PDGFRA: variants seen among roughly 807,000 people sequenced by gnomAD.
The protein encoded by PDGFRA is platelet-derived growth factor receptor alpha.
Under a neutral mutation model 121.5 loss-of-function variants are expected in PDGFRA, and 25 were observed. The observed-to-expected ratio is 0.21, with a 90% CI of 0.15 to 0.29. The LOEUF (loss-of-function observed/expected upper bound fraction) is 0.29, where lower values mean the gene tolerates loss of function less well. Ranked by LOEUF, PDGFRA falls within the 10% of genes least tolerant of loss-of-function variation. PDGFRA has a pLI of 1.00. For synonymous variants in PDGFRA, 463 were observed against 494.8 expected (o/e 0.94, Z 0.85); for missense variants, 1,008 against 1,345.1 (o/e 0.75, Z 3.92).
intron 1 of PDGFRA, among the ~76,000 whole-genome samples, chr4:54,235,430 T>C (rs1473840985): frequency 6.6e-6 from 1 of 152,284 alleles, no homozygotes; most frequent in Admixed American, 6.5e-5. Flanking sequence ...ACACTACCTT[T>C]GCACATTGCC....
intron 1 of PDGFRA, among the ~76,000 whole-genome samples, chr4:54,236,594 G>A (rs1272224843): frequency 1.4e-4 from 22 of 152,168 alleles, no homozygotes; most frequent in Admixed American, 1.4e-3. Context: ...ACGAGGTCAG[G>A]AGTTCGAGAT....
Position 54,270,276 on chromosome 4 carries a change from G to C in PDGFRA, c.1122-357G>C, listed in dbSNP as rs899447307. 9.9e-5 allele frequency among the ~76,000 whole-genome samples: 15 copies of C among 152,204 alleles called. 1 individual carries two copies. In the East Asian group the frequency reaches 2.9e-3, roughly 29 times the overall value. On this transcript the variant is annotated intron_variant, in intron 7 of 22. Transcript: ENST00000257290. ...AATGATGGATATTTAGGGGAAGCAA[G>C]TATTTTTTAAAAAAGGTAAAAATCA... is the stretch of plus-strand genomic sequence containing the variant.
intron 1 of PDGFRA, among the ~76,000 whole-genome samples, chr4:54,240,759 T>C (rs1721255629): frequency 6.6e-6 from 1 of 152,226 alleles, no homozygotes; most frequent in Non-Finnish European, 1.5e-5. Flanking sequence ...TTTAGGCAAT[T>C]GGAGCAAATT....
intron 5 of PDGFRA, among the ~76,000 whole-genome samples, chr4:54,266,382 T>C (rs1251256223): frequency 6.6e-6 from 1 of 151,842 alleles, no homozygotes; most frequent in African/African-American, 2.4e-5. Context: ...ATTTTTCATT[T>C]GTATTTCTTT....
rs753347712 is a variant in PDGFRA, at chr4:54,274,876, A to G, written c.1689A>G (p.Glu563=). The change falls in exon 12 of 23, where the codon GAA becomes GAG. Residue 563 remains glutamate, a synonymous_variant. Transcript: ENST00000257290. ...ATGAAATTCGCTGGAGGGTCATTGA[A>G]TCAATCAGCCCAGATGGACATGAAT... ...PRYEIRWRVI[E]SISPDGHEYI... 6.2e-7 allele frequency: 1 copy of G among 1,614,112 alleles called. No homozygotes were observed. The highest frequency in any genetic ancestry group is 1.1e-5 in the South Asian group (1 of 91,084).
chr4:54,249,293 C>T (rs1394824590), intron 1 of PDGFRA, among the ~76,000 whole-genome samples: 3 of 152,190 alleles, frequency 2.0e-5, no homozygotes, highest in South Asian at 2.1e-4. Flanking sequence ...GGTATATACC[C>T]GAAGGATTAT....
intron 3 of PDGFRA, among the ~76,000 whole-genome samples, chr4:54,263,441 A>G (rs956746936): frequency 7.9e-5 from 12 of 152,174 alleles, no homozygotes; most frequent in African/African-American, 2.7e-4. Flanking sequence ...GATATTTATC[A>G]TCAGTATTAT....
rs1295108222 is a variant in PDGFRA at position 54,295,582 on chromosome 4, C to T, written c.*310C>T. Reference sequence around the variant, plus strand: ...TGCTTCAAGGACATTGGTGAGAGTCCAACAGACACAATTTATACTGCGACA... The same window carrying T: ...TGCTTCAAGGACATTGGTGAGAGTCTAACAGACACAATTTATACTGCGACA... On this transcript the variant is annotated 3_prime_UTR_variant, in exon 23 of 23. Transcript: ENST00000257290. 4.5e-6 allele frequency: 2 copies of T among 445,670 alleles called. No individual in the cohort carries two copies. Among genetic ancestry groups the T allele is most frequent in the African/African-American group, 1.9e-5 (1 of 51,390 alleles). The allele number at this position is 445,670 out of a possible 1,614,324, so 27.6% of individuals were successfully genotyped here. A position where few individuals can be genotyped will look rare whatever the true frequency, so the allele number is the denominator to read the frequency against.
intron 16 of PDGFRA, chr4:54,281,833 CA>C (rs1323055767): frequency 8.1e-7 from 1 of 1,235,644 alleles, no homozygotes; most frequent in East Asian, 3.8e-5. Context: ...GGACAAGTTA[CA>C]AACAAAGAAA....
chr4:54,280,661 T>C (rs1724027302), intron 16 of PDGFRA, 179 bp downstream of exon 16: 1 of 537,326 alleles, frequency 1.9e-6, no homozygotes, highest in South Asian at 2.7e-5. Context: ...GGCCTGTAAA[T>C]TGAAAAGAAT....
At position 54,285,272 on chromosome 4, in the gene PDGFRA, T is replaced by C; in HGVS notation, c.2324-99T>C. 4.0e-6 allele frequency: 3 copies of C among 742,238 alleles called. No homozygotes were observed. In the South Asian group the frequency reaches 4.4e-5, roughly 11 times the overall value. The allele number at this position is 742,238 out of a possible 1,614,324, so 46.0% of individuals were successfully genotyped here. Reference sequence around the variant, plus strand: ...AGATCTAAACATTCTACAAAAAAATTAAGAAAATATTTTTGGATGTGTTCT... The same window carrying C: ...AGATCTAAACATTCTACAAAAAAATCAAGAAAATATTTTTGGATGTGTTCT... On this transcript the variant is annotated intron_variant, in intron 16 of 22. Coordinates refer to ENST00000257290, the MANE Select transcript of PDGFRA (RefSeq NM_006206.6).
rs1344202484 is a variant in PDGFRA, at chr4:54,229,398, A to G, written c.-30A>G. ...CCATGTGTGGGACATTCATTGCGGA[A>G]TAACATCGGAGGAGAAGGTAAGGGA... On this transcript the variant is annotated 5_prime_UTR_variant, in exon 1 of 23. Transcript: ENST00000257290. 5.0e-6 allele frequency: 2 copies of G among 398,424 alleles called. No individual in the cohort carries two copies. The highest frequency in any genetic ancestry group is 8.8e-6 in the Non-Finnish European group (2 of 226,050). The allele number at this position is 398,424 out of a possible 1,614,324, so 24.7% of individuals were successfully genotyped here.
intron 16 of PDGFRA, 160 bp downstream of exon 16, chr4:54,280,642 C>T (rs1296617297): frequency 1.6e-6 from 1 of 625,100 alleles, no homozygotes; most frequent in African/African-American, 1.8e-5. Context: ...GACATGTTTC[C>T]AGGTTTGTGG....
Position 54,270,658 on chromosome 4 carries a change from C to T in PDGFRA, c.1147C>T (p.Arg383Cys), listed in dbSNP as rs1324781921. ...IRYRSKLKLI[R>C]AKEEDSGHYT... ...GTATCGAAGCAAATTAAAGCTGATC[C>T]GTGCTAAGGAAGAAGACAGTGGCCA... is the stretch of plus-strand genomic sequence containing the variant. Residue 383 changes from arginine to cysteine, a missense_variant, in exon 8 of 23, where the codon CGT becomes TGT. By Grantham distance (180) the Arg-to-Cys change is radical. Coordinates refer to ENST00000257290, the MANE Select transcript of PDGFRA (RefSeq NM_006206.6). The T allele has an allele frequency of 3.7e-6, 6 of 1,609,488 alleles. No homozygotes were observed. The highest frequency in any genetic ancestry group is 2.7e-5 in the African/African-American group (2 of 74,738).
intron 16 of PDGFRA, 79 bp from the exon 17 acceptor site, chr4:54,285,292 T>C (rs1724281480): frequency 1.3e-6 from 1 of 769,778 alleles, no homozygotes; most frequent in South Asian, 1.4e-5. Flanking sequence ...TTTTTGGATG[T>C]GTTCTTTGGG....
intron 1 of PDGFRA, chr4:54,230,067 C>G (rs1401328730): frequency 6.6e-6 from 1 of 152,280 alleles, no homozygotes; most frequent in African/African-American, 2.4e-5. Context: ...GGGAGCCGGC[C>G]GAATGCGCGT....
chr4:54,287,758 C>T (rs913223458), intron 19 of PDGFRA, among the ~76,000 whole-genome samples: 1 of 152,172 alleles, frequency 6.6e-6, no homozygotes, highest in Non-Finnish European at 1.5e-5. Flanking sequence ...GCGTCTTACT[C>T]CTGGCCTCTG....
intron 11 of PDGFRA, 106 bp from the exon 12 acceptor site, chr4:54,274,735 G>A (rs2110298156): frequency 1.4e-6 from 2 of 1,457,576 alleles, no homozygotes; most frequent in Non-Finnish European, 1.9e-6. Context: ...CATGTGGAGT[G>A]AACGTTGTTG....
intron 1 of PDGFRA, among the ~76,000 whole-genome samples, chr4:54,242,191 A>G (rs1433765857): frequency 1.3e-5 from 2 of 151,998 alleles, no homozygotes; most frequent in Non-Finnish European, 2.9e-5. Flanking sequence ...CCAGTTTGCT[A>G]CTTCTGGGAC....
Sources: gnomAD v4.1 joint callset for allele counts (sites outside exome capture counted in the v4.1 genomes callset) on GRCh38, gnomAD v4.1.1 for gene constraint, MANE v1.5 for transcripts, NCBI Gene and HGNC (gene_info 2026-07-23, HGNC 2026-07-21) for gene names.